Variants in CAMTA1 observed in about 807,000 individuals in gnomAD.
CAMTA1 encodes calmodulin-binding transcription activator 1.
Under a neutral mutation model 170.9 loss-of-function variants are expected in CAMTA1, and 27 were observed. That is an observed-to-expected ratio of 0.16 (90% confidence interval 0.12 to 0.22). CAMTA1 has a LOEUF of 0.22. CAMTA1 is among the 10% of genes least tolerant of loss of function. The probability of loss-of-function intolerance (pLI) is 1.00; values close to 1 mark genes in which losing one functional copy is unlikely to be tolerated. For missense variants in CAMTA1, 1,619 were observed against 2,217.2 expected (o/e 0.73, Z 5.42); for synonymous variants, 833 against 891.5 (o/e 0.93, Z 1.17).
chr1:7,398,189 CTCTCTATATA>C (rs1295999173), intron 5 of CAMTA1, among the ~76,000 whole-genome samples: 80 of 32,270 alleles, frequency 2.5e-3, no homozygotes, highest in Non-Finnish European at 3.1e-3. Flanking sequence ...CTCTCTCTCT[CTCTCTATATA>C]TATATATATA....
rs191867456 is a variant in CAMTA1 at position 7,088,073 on chromosome 1, C to T, written c.235-3231C>T. On this transcript the variant is annotated intron_variant, in intron 3 of 22. Coordinates refer to ENST00000303635, the MANE Select transcript of CAMTA1 (RefSeq NM_015215.4). Reference sequence around the variant, plus strand: ...ATTATACGGGTAACTCAGACATGCTCCACCCAGCCAGGTTCATGCAGCAGC... The same window carrying T: ...ATTATACGGGTAACTCAGACATGCTTCACCCAGCCAGGTTCATGCAGCAGC... Among the ~76,000 whole-genome samples, 322 of 152,244 alleles carry T rather than the reference C, an allele frequency of 2.1e-3. 1 individual carries two copies. Among genetic ancestry groups the T allele is most frequent in the African/African-American group, 7.2e-3 (300 of 41,538 alleles).
chr1:6,836,199 TA>T (rs1653026517), intron 3 of CAMTA1, among the ~76,000 whole-genome samples: 2 of 152,184 alleles, frequency 1.3e-5, no homozygotes, highest in Admixed American at 1.3e-4. Context: ...AAGAAGCTCC[TA>T]AAAAATAACC....
intron 6 of CAMTA1, among the ~76,000 whole-genome samples, chr1:7,480,772 A>T (rs1199127270): frequency 1.3e-5 from 2 of 151,958 alleles, no homozygotes; most frequent in Non-Finnish European, 1.5e-5. Flanking sequence ...TTCTCCTGGG[A>T]TCATCTCATC....
intron 4 of CAMTA1, among the ~76,000 whole-genome samples, chr1:7,103,424 ACCTACACAC>A (rs1356506712): frequency 6.2e-5 from 2 of 32,402 alleles, no homozygotes; most frequent in Admixed American, 4.3e-4. Context: ...CAGCACACAC[ACCTACACAC>A]ACTACACACA....
chr1:6,798,617 TCTCG>T (rs1342114688), intron 1 of CAMTA1, among the ~76,000 whole-genome samples: 1 of 86,780 alleles, frequency 1.2e-5, no homozygotes, highest in East Asian at 4.3e-4. Context: ...TGAGACGGAG[TCTCG>T]CTCTGTCGCC....
intron 11 of CAMTA1, among the ~76,000 whole-genome samples, chr1:7,711,077 C>T (rs1285564942): frequency 6.6e-6 from 1 of 152,162 alleles, no homozygotes; most frequent in Admixed American, 6.5e-5. Flanking sequence ...CTGTAAACAA[C>T]ACAGATTTAT....
At chr1:7,719,083 G>A (rs1040914868) in intron 11 of CAMTA1, among the ~76,000 whole-genome samples, 7 of 152,108 alleles carry the variant, frequency 4.6e-5, no homozygotes, top group African/African-American at 1.7e-4. Context: ...CTTTAAAGGT[G>A]GGTGCAGAAT....
intron 3 of CAMTA1, among the ~76,000 whole-genome samples, chr1:6,902,080 A>AAAAAT (rs1553180507): frequency 1.5e-4 from 18 of 121,582 alleles, no homozygotes; most frequent in African/African-American, 3.3e-4. Context: ...CACAAAAAAA[A>AAAAAT]AAATAAAAAT....
intron 6 of CAMTA1, among the ~76,000 whole-genome samples, chr1:7,560,046 G>T (rs1027498613): frequency 6.6e-6 from 1 of 152,218 alleles, no homozygotes; most frequent in Non-Finnish European, 1.5e-5. Flanking sequence ...GTGACTCTGG[G>T]ACCCCAAGGC....
At chr1:7,491,792 G>A (rs1448201895) in intron 6 of CAMTA1, among the ~76,000 whole-genome samples, 3 of 152,296 alleles carry the variant, frequency 2.0e-5, no homozygotes, top group African/African-American at 2.4e-5. Context: ...TTCCTGTCGC[G>A]AAGCCAGCTC....
chr1:7,617,533 T>C (rs967156696), intron 6 of CAMTA1, among the ~76,000 whole-genome samples: 2 of 151,950 alleles, frequency 1.3e-5, no homozygotes, highest in African/African-American at 4.8e-5. Context: ...GGCCAGCATA[T>C]CAGCAAAGCA....
chr1:6,814,930 A>G (rs1645610722), intron 1 of CAMTA1, among the ~76,000 whole-genome samples: 1 of 152,128 alleles, frequency 6.6e-6, no homozygotes, highest in South Asian at 2.1e-4. Flanking sequence ...TATATTATCC[A>G]TATACAATGA....
At chr1:7,125,789 T>C (rs1644898239) in intron 4 of CAMTA1, among the ~76,000 whole-genome samples, 1 of 152,172 alleles carries the variant, frequency 6.6e-6, no homozygotes, top group African/African-American at 2.4e-5. Context: ...CCTGAGGAAT[T>C]TGGGCTTTGA....
At chr1:6,924,429 C>T (rs866049031) in intron 3 of CAMTA1, among the ~76,000 whole-genome samples, 6 of 152,064 alleles carry the variant, frequency 3.9e-5, no homozygotes, top group African/African-American at 2.4e-5. Context: ...GTCAGTGGTG[C>T]CCACCCCACC....
chr1:7,057,929 C>T (rs1707612308), intron 3 of CAMTA1, among the ~76,000 whole-genome samples: 1 of 152,224 alleles, frequency 6.6e-6, no homozygotes, highest in Admixed American at 6.5e-5. Flanking sequence ...CAGATCCTGA[C>T]ACCAAGCCAG....
chr1:7,284,168 CTTCTTCTTCTT>C (rs1671965682), intron 5 of CAMTA1, among the ~76,000 whole-genome samples: 1 of 117,042 alleles, frequency 8.5e-6, no homozygotes, highest in Non-Finnish European at 1.7e-5. Flanking sequence ...TCTTCTTCTT[CTTCTTCTTCTT>C]ATTATTATTA....
At chr1:7,751,120 C>T in intron 19 of CAMTA1, 79 bp from the exon 20 acceptor site, 2 of 1,158,192 alleles carry the variant, frequency 1.7e-6, no homozygotes, top group Non-Finnish European at 2.5e-6. Flanking sequence ...CTCTTCTTCC[C>T]TTCCCGGTAA....
intron 3 of CAMTA1, among the ~76,000 whole-genome samples, chr1:7,001,779 A>G (rs1330319087): frequency 6.6e-6 from 1 of 152,238 alleles, no homozygotes; most frequent in Non-Finnish European, 1.5e-5. Flanking sequence ...AGCAGAGAGG[A>G]ACGGCTGTGC....
At chr1:6,809,461 C>T (rs1300630019) in intron 1 of CAMTA1, among the ~76,000 whole-genome samples, 1 of 151,990 alleles carries the variant, frequency 6.6e-6, no homozygotes, top group Non-Finnish European at 1.5e-5. Context: ...TTCCAGAGGG[C>T]AAGGGAGGGA....
Sources: allele counts gnomAD v4.1 joint callset (sites outside exome capture counted in the v4.1 genomes callset), GRCh38; gene constraint gnomAD v4.1.1; transcripts MANE v1.5; gene names NCBI Gene and HGNC (gene_info 2026-07-23, HGNC 2026-07-21).